FHIT: variants seen among roughly 807,000 people sequenced by gnomAD.
The protein encoded by FHIT is bis(5'-adenosyl)-triphosphatase.
In FHIT, 19 loss-of-function variants were observed where a neutral mutation model predicts 17.9. The observed-to-expected ratio is 1.06, with a 90% CI of 0.74 to 1.56. The LOEUF is 1.56. FHIT is among the 40% of genes most tolerant of loss of function. FHIT has a pLI of 0.00. For missense variants in FHIT, 248 were observed against 189.2 expected, an observed-to-expected ratio of 1.31 and a Z score of -1.82; for synonymous variants, 81 against 69.7, an observed-to-expected ratio of 1.16 and a Z score of -0.81.
At chr3:60,614,608 AAATT>A (rs2038885961) in intron 4 of FHIT, among the ~76,000 whole-genome samples, 1 of 148,512 alleles carries the variant, frequency 6.7e-6, no homozygotes, top group African/African-American at 2.5e-5. Flanking sequence ...ACCTCAAAAA[AAATT>A]AATAAATAAA....
chr3:61,130,582 A>T, intron 2 of FHIT, among the ~76,000 whole-genome samples: 1 of 152,200 alleles, frequency 6.6e-6, no homozygotes, highest in East Asian at 1.9e-4. Context: ...CCTCTCAAAA[A>T]AATAAAAATT....
intron 3 of FHIT, among the ~76,000 whole-genome samples, chr3:60,877,230 G>A (rs1704707693): frequency 6.6e-6 from 1 of 152,184 alleles, no homozygotes; most frequent in Non-Finnish European, 1.5e-5. Context: ...CTGAGGGTGA[G>A]CAGGCTTGAC....
rs2037278423 is a variant in FHIT at position 60,569,553 on chromosome 3, A to T, written c.-17-32574T>A. Reference sequence around the variant, plus strand: ...ATGTTTGAAGACACCAGGACGATATAGTAGAGGAGAACGTAAGCTCTAGTG... The same window carrying T: ...ATGTTTGAAGACACCAGGACGATATTGTAGAGGAGAACGTAAGCTCTAGTG... On this transcript the variant is annotated intron_variant, in intron 4 of 9. Coordinates refer to ENST00000492590, the MANE Select transcript of FHIT (RefSeq NM_002012.4). 1.3e-5 allele frequency among the ~76,000 whole-genome samples: 2 copies of T among 151,716 alleles called. 1 individual carries two copies. Among genetic ancestry groups the T allele is most frequent in the Admixed American group, 1.3e-4 (2 of 15,222 alleles).
chr3:60,950,677 T>G (rs1176434410), intron 3 of FHIT, among the ~76,000 whole-genome samples: 1 of 150,382 alleles, frequency 6.6e-6, no homozygotes, highest in African/African-American at 2.5e-5. Context: ...CCACCACACC[T>G]GGCTAATTTT....
intron 3 of FHIT, among the ~76,000 whole-genome samples, chr3:61,007,407 G>A (rs994951502): frequency 1.3e-5 from 2 of 152,128 alleles, no homozygotes; most frequent in Non-Finnish European, 2.9e-5. Flanking sequence ...ATCGATGGAG[G>A]AGCAATAAAT....
chr3:60,630,878 T>C (rs2039420272), intron 4 of FHIT, among the ~76,000 whole-genome samples: 2 of 151,422 alleles, frequency 1.3e-5, no homozygotes, highest in South Asian at 4.2e-4. Context: ...TAGGATTCTT[T>C]AACCTTTTTT....
At chr3:60,744,248 AAAAAAAAAACAAAACAAAAC>A (rs2042298948) in intron 4 of FHIT, among the ~76,000 whole-genome samples, 1 of 66,834 alleles carries the variant, frequency 1.5e-5, no homozygotes, top group African/African-American at 8.9e-5. Flanking sequence ...AAGTAATGTA[AAAAAAAAAACAAAACAAAAC>A]AAAAAAAAAA....
At chr3:60,059,948 G>A (rs1702233325) in intron 5 of FHIT, among the ~76,000 whole-genome samples, 1 of 152,140 alleles carries the variant, frequency 6.6e-6, no homozygotes, top group African/African-American at 2.4e-5. Flanking sequence ...AGGGTAATTT[G>A]AACTTATAAG....
intron 4 of FHIT, among the ~76,000 whole-genome samples, chr3:60,549,864 G>A (rs988523252): frequency 3.3e-5 from 5 of 152,116 alleles, no homozygotes; most frequent in Admixed American, 3.3e-4. Flanking sequence ...TTATGGCCAG[G>A]AATATTAAGG....
intron 1 of FHIT, among the ~76,000 whole-genome samples, chr3:61,247,848 C>T (rs2040524207): frequency 6.6e-6 from 1 of 152,184 alleles, no homozygotes; most frequent in Non-Finnish European, 1.5e-5. Context: ...GCTTTAAACA[C>T]ACTTTCTTCT....
At chr3:60,781,097 G>C (rs1424772834) in intron 4 of FHIT, among the ~76,000 whole-genome samples, 2 of 152,130 alleles carry the variant, frequency 1.3e-5, no homozygotes, top group African/African-American at 4.8e-5. Context: ...ACTAACAATT[G>C]TTTCCAGTGC....
intron 4 of FHIT, among the ~76,000 whole-genome samples, chr3:60,776,072 C>G (rs1223245155): frequency 1.3e-5 from 2 of 152,110 alleles, no homozygotes; most frequent in African/African-American, 2.4e-5. Context: ...TAGCCTCCAC[C>G]CACCCCCAAC....
chr3:60,429,488 G>T (rs980597673), intron 5 of FHIT, among the ~76,000 whole-genome samples: 9 of 152,012 alleles, frequency 5.9e-5, no homozygotes, highest in Admixed American at 3.3e-4. Flanking sequence ...GACCCATGAG[G>T]GATGGGAAAA....
chr3:60,639,920 A>G lies in FHIT; in HGVS notation c.-17-102941T>C, dbSNP rs2039683488. Among the ~76,000 whole-genome samples, 2 of 152,208 alleles carry G rather than the reference A, an allele frequency of 1.3e-5. 1 individual carries two copies. ...GTGAACCAAGTGAATGGATACACAAAATGTCGAATAACCATACAATGGAAT... is the reference window on the plus strand; with the variant it reads ...GTGAACCAAGTGAATGGATACACAAGATGTCGAATAACCATACAATGGAAT... On this transcript the variant is annotated intron_variant, in intron 4 of 9. Transcript: ENST00000492590.
rs191028121 is a variant in FHIT, at chr3:60,431,684, C to T, written c.103+105176G>A. Among the ~76,000 whole-genome samples the T allele has an allele frequency of 2.6e-3, 394 of 152,184 alleles. 5 individuals carry two copies. The highest frequency in any genetic ancestry group is 0.01 in the Middle Eastern group (3 of 294). On this transcript the variant is annotated intron_variant, in intron 5 of 9. Transcript: ENST00000492590. ...CCATCTTACCAAAGTCGGGAGTCTG[C>T]ATTTCCTAAGCACCTCACTGACATC...
intron 5 of FHIT, among the ~76,000 whole-genome samples, chr3:60,417,438 G>A (rs1576622913): frequency 6.6e-6 from 1 of 152,126 alleles, no homozygotes; most frequent in Non-Finnish European, 1.5e-5. Context: ...TTGCTGAGAC[G>A]GAGCCATTTG....
chr3:60,391,617 T>C (rs1701236949), intron 5 of FHIT, among the ~76,000 whole-genome samples: 2 of 152,204 alleles, frequency 1.3e-5, no homozygotes, highest in South Asian at 2.1e-4. Context: ...GATACACAAA[T>C]ACTTACCATT....
intron 4 of FHIT, among the ~76,000 whole-genome samples, chr3:60,789,106 C>CTATATA (rs35388402): frequency 2.9e-5 from 4 of 135,858 alleles, no homozygotes; most frequent in African/African-American, 8.4e-5. Context: ...AGTTGAATAT[C>CTATATA]TATATGTATA....
intron 3 of FHIT, among the ~76,000 whole-genome samples, chr3:60,938,655 G>T (rs1553773742): frequency 1.3e-5 from 2 of 152,156 alleles, no homozygotes; most frequent in Non-Finnish European, 2.9e-5. Context: ...AACAGCGTCA[G>T]GGGAGATGGA....
Sources: allele counts gnomAD v4.1 joint callset (sites outside exome capture counted in the v4.1 genomes callset), GRCh38; gene constraint gnomAD v4.1.1; transcripts MANE v1.5; gene names NCBI Gene and HGNC (gene_info 2026-07-23, HGNC 2026-07-21).